The following MYPN variants were observed in gnomAD, a reference collection of about 807,000 sequenced individuals.
MYPN encodes myopalladin.
In MYPN, 63 loss-of-function variants were observed where a neutral mutation model predicts 129.4. That is an observed-to-expected ratio of 0.49 (90% CI 0.40 to 0.60). The LOEUF is 0.60. Ranked by LOEUF, MYPN falls within the 20% of genes least tolerant of loss-of-function variation. MYPN has a pLI of 0.00. For synonymous variants in MYPN, 629 were observed against 600.9 expected (o/e 1.05, Z -0.68); for missense variants, 1,596 against 1,635.4 (o/e 0.98, Z 0.42).
intron 12 of MYPN, among the ~76,000 whole-genome samples, chr10:68,175,989 T>C (rs564911022): frequency 2.6e-5 from 4 of 152,258 alleles, no homozygotes; most frequent in African/African-American, 9.6e-5. Flanking sequence ...GCAATCCTCC[T>C]GCCTCAGCCT....
chr10:68,206,657 T>C (rs571596820), intron 18 of MYPN, 113 bp from the exon 19 acceptor site: 24 of 1,414,672 alleles, frequency 1.7e-5, no homozygotes, highest in Non-Finnish European at 4.0e-6. Flanking sequence ...ACCTTCAAAT[T>C]TGTCTTGATG....
At chr10:68,180,501 T>C (rs7080870) in intron 12 of MYPN, among the ~76,000 whole-genome samples, 149,581 of 152,388 alleles carry the variant, frequency 0.98, 73,471 homozygotes, top group Middle Eastern at 1. Context: ...CCAAGTTTAT[T>C]TAAGAATCCT....
chr10:68,142,170 A>T (rs1009235758), intron 2 of MYPN, among the ~76,000 whole-genome samples: 4 of 152,224 alleles, frequency 2.6e-5, no homozygotes, highest in Non-Finnish European at 5.9e-5. Flanking sequence ...TCACAGTAGC[A>T]ATGCGTAAGA....
intron 10 of MYPN, among the ~76,000 whole-genome samples, chr10:68,171,905 C>T (rs1418978349): frequency 6.6e-6 from 1 of 152,216 alleles, no homozygotes; most frequent in Non-Finnish European, 1.5e-5. Context: ...GCACACACTG[C>T]CAGAAATTGT....
intron 16 of MYPN, 125 bp from the exon 17 acceptor site, chr10:68,199,243 G>A (rs900162594): frequency 2.3e-6 from 2 of 884,528 alleles, no homozygotes; most frequent in African/African-American, 3.3e-5. Flanking sequence ...CCTACAGAGA[G>A]GTTTCTCATC....
rs1159043726 is a variant in MYPN at position 68,121,529 on chromosome 10, G to A, written c.91G>A (p.Glu31Lys). ...TGAAACCAGACATCGGGGAAACAATGAGAGGAGTCGAGCGGAGCCCTCCTC... is the reference window on the plus strand; with the variant it reads ...TGAAACCAGACATCGGGGAAACAATAAGAGGAGTCGAGCGGAGCCCTCCTC... ...LAETRHRGNN[E>K]RSRAEPSSNP... The change falls in exon 2 of 20, where the codon GAG becomes AAG. Residue 31 changes from glutamate (E) to lysine (K), a missense_variant. Coordinates refer to ENST00000358913, the MANE Select transcript of MYPN (RefSeq NM_032578.4). 1 of 1,614,090 alleles carries A rather than the reference G, an allele frequency of 6.2e-7. No homozygotes were observed. The highest frequency in any genetic ancestry group is 8.5e-7 in the Non-Finnish European group (1 of 1,180,040).
rs1210207439 is a variant in MYPN, at chr10:68,174,456, C to T, written c.2364C>T (p.Gly788=). Residue 788 remains glycine (G), a synonymous_variant, in exon 11 of 20, where the codon GGC becomes GGT. Coordinates refer to ENST00000358913, the MANE Select transcript of MYPN (RefSeq NM_032578.4). ...LSIQNEPLPP[G]PTEPTPPPFT... ...TCCAAAATGAGCCACTCCCACCAGG[C>T]CCAACAGAACCAACACCACCACCAT... The T allele has an allele frequency of 6.2e-7, 1 of 1,614,158 alleles. No homozygotes were observed. Among genetic ancestry groups the T allele is most frequent in the East Asian group, 2.2e-5 (1 of 44,876 alleles).
intron 12 of MYPN, among the ~76,000 whole-genome samples, chr10:68,186,292 C>T (rs948496423): frequency 1.3e-5 from 2 of 152,134 alleles, no homozygotes; most frequent in African/African-American, 4.8e-5. Context: ...AAATTAAAAC[C>T]AAGAAACACT....
Position 68,143,023 on chromosome 10 carries a change from C to T in MYPN, c.986C>T (p.Ala329Val), listed in dbSNP as rs146148277. 3.2e-5 allele frequency: 52 copies of T among 1,613,934 alleles called. No individual in the cohort carries two copies. The highest frequency in any genetic ancestry group is 5.5e-5 in the South Asian group (5 of 91,086). Residue 329 changes from alanine to valine, a missense_variant, in exon 3 of 20, where the codon GCG (alanine) becomes GTG (valine). Transcript: ENST00000358913. ...QAGNLHSLTIAEAFEEDTGRY... is the reference protein window; with the variant it reads ...QAGNLHSLTIVEAFEEDTGRY... ...GGAAATCTGCACTCACTGACCATTG[C>T]GGAAGCCTTTGAAGAGGACACAGGA... is the stretch of plus-strand genomic sequence containing the variant.
At chr10:68,179,888 A>G (rs1292750852) in intron 12 of MYPN, among the ~76,000 whole-genome samples, 1 of 152,202 alleles carries the variant, frequency 6.6e-6, no homozygotes, top group African/African-American at 2.4e-5. Context: ...TTAAAAACAC[A>G]CAGAAATTAA....
intron 4 of MYPN, among the ~76,000 whole-genome samples, chr10:68,147,212 T>G (rs903568990): frequency 1.3e-5 from 2 of 152,184 alleles, no homozygotes; most frequent in African/African-American, 2.4e-5. Context: ...TAGAGTGCTG[T>G]AGTGCGATCT....
intron 6 of MYPN, among the ~76,000 whole-genome samples, chr10:68,156,259 G>C (rs931463417): frequency 6.6e-6 from 1 of 152,116 alleles, no homozygotes; most frequent in African/African-American, 2.4e-5. Flanking sequence ...CTCCAGGAGG[G>C]TGTCTAAGTG....
intron 1 of MYPN, among the ~76,000 whole-genome samples, chr10:68,089,410 C>T (rs1477957285): frequency 6.6e-6 from 1 of 152,076 alleles, no homozygotes; most frequent in Non-Finnish European, 1.5e-5. Context: ...GGCGCGATCT[C>T]GGCTCACTGC....
chr10:68,112,935 C>T (rs1047182048), intron 1 of MYPN, among the ~76,000 whole-genome samples: 7 of 152,256 alleles, frequency 4.6e-5, no homozygotes, highest in East Asian at 1.9e-4. Flanking sequence ...GACTGGTTCC[C>T]GTTCACTGGG....
rs752408270 is a variant in MYPN at position 68,201,812 on chromosome 10, AC to A, written c.3494-14del. 1.7e-5 allele frequency: 28 copies of A among 1,612,696 alleles called. No homozygotes were observed. The highest frequency in any genetic ancestry group is 2.3e-5 in the Non-Finnish European group (27 of 1,179,512). On this transcript the variant is annotated splice_polypyrimidine_tract_variant and intron_variant, in intron 17 of 19. Coordinates refer to ENST00000358913, the MANE Select transcript of MYPN (RefSeq NM_032578.4). ...AAAAAAAAGAAAGAAAAAAAGAATG[AC>A]CCTTCTCTTGCTCAGCCAAAGAGGT... is the stretch of plus-strand genomic sequence containing the variant.
At position 68,206,755 on chromosome 10, in the gene MYPN, T is replaced by C; in HGVS notation, c.3660-15T>C. ...CCCCCGATAAAATATAGGTATATTC[T>C]CTCTTTTTCTCCAGTATGCACCAGG... On this transcript the variant is annotated splice_polypyrimidine_tract_variant and intron_variant, in intron 18 of 19. Coordinates refer to ENST00000358913, the MANE Select transcript of MYPN (RefSeq NM_032578.4). 2 of 1,614,120 alleles carry C rather than the reference T, an allele frequency of 1.2e-6. No individual in the cohort carries two copies. The highest frequency in any genetic ancestry group is 1.7e-6 in the Non-Finnish European group (2 of 1,180,004).
intron 19 of MYPN, among the ~76,000 whole-genome samples, chr10:68,207,235 G>C (rs2043832008): frequency 6.6e-6 from 1 of 152,124 alleles, no homozygotes; most frequent in African/African-American, 2.4e-5. Context: ...TCCAGCCTGG[G>C]CAACAGAACA....
rs1324429948 is a variant in MYPN, at chr10:68,121,809, G to C, written c.371G>C (p.Ser124Thr). ...EPNFCQDNPR[S>T]PTSSKESPQE... is the part of the protein sequence containing the mutation. ...AACTTCTGCCAGGATAACCCTCGAA[G>C]TCCCACCAGCTCTAAAGAAAGCCCC... Residue 124 changes from serine to threonine, a missense_variant, in exon 2 of 20, where the codon AGT (serine) becomes ACT (threonine). Coordinates refer to ENST00000358913, the MANE Select transcript of MYPN (RefSeq NM_032578.4). 1 of 1,614,004 alleles carries C rather than the reference G, an allele frequency of 6.2e-7. No homozygotes were observed. Among genetic ancestry groups the C allele is most frequent in the Non-Finnish European group, 8.5e-7 (1 of 1,180,024 alleles).
Position 68,166,527 on chromosome 10 carries a change from T to C in MYPN, c.1834T>C (p.Ser612Pro). Reference sequence around the variant, plus strand: ...TGAAGATGACAAAGGAAGTGAAGCATCCTCCGAGGCTGGTGTGGTGACCAC... The same window carrying C: ...TGAAGATGACAAAGGAAGTGAAGCACCCTCCGAGGCTGGTGTGGTGACCAC... ...LPEDDKGSEA[S>P]SEAGVVTTRQ... The change falls in exon 10 of 20, where the codon TCC becomes CCC. Residue 612 changes from serine to proline, a missense_variant. Physicochemically the swap from Ser to Pro is moderately conservative, Grantham distance 74. Coordinates refer to ENST00000358913, the MANE Select transcript of MYPN (RefSeq NM_032578.4). 6.2e-7 allele frequency: 1 copy of C among 1,614,046 alleles called. No individual in the cohort carries two copies.
Sources: gnomAD v4.1 joint callset for allele counts (sites outside exome capture counted in the v4.1 genomes callset) on GRCh38, gnomAD v4.1.1 for gene constraint, MANE v1.5 for transcripts, NCBI Gene and HGNC (gene_info 2026-07-23, HGNC 2026-07-21) for gene names.